The following SHC2 variants were observed in gnomAD, a reference collection of about 807,000 sequenced individuals.
SHC2 encodes the protein SHC adaptor protein 2.
Under a neutral mutation model 60.6 loss-of-function variants are expected in SHC2, and 62 were observed. The observed-to-expected ratio is 1.02, with a 90% CI of 0.83 to 1.26. SHC2 has a LOEUF of 1.26. SHC2 is among the 50% of genes most tolerant of loss of function. The pLI is 0.00. For missense variants in SHC2, 873 were observed against 822.2 expected, an observed-to-expected ratio of 1.06 and a Z score of -0.76; for synonymous variants, 375 against 372.4, an observed-to-expected ratio of 1.01 and a Z score of -0.08.
At position 445,337 on chromosome 19, in the gene SHC2, G is replaced by A. The variant is rs1458499018; in HGVS notation, c.469-4405C>T. Among the ~76,000 whole-genome samples the A allele has an allele frequency of 2.6e-5, 4 of 152,178 alleles. No homozygotes were observed. The highest frequency in any genetic ancestry group is 7.2e-5 in the African/African-American group (3 of 41,454). ...CAGACAGAGCCCAGCCCTCCACCAC[G>A]TGAGGACACAGGAGAACACGGCCCT... On this transcript the variant is annotated intron_variant, in intron 1 of 12. Transcript: ENST00000264554. The surrounding 1 kb of genome is among the most constrained non-coding windows in gnomAD (Gnocchi z 4.4).
At chr19:443,105 G>T (rs1416383702) in intron 1 of SHC2, among the ~76,000 whole-genome samples, 1 of 149,298 alleles carries the variant, frequency 6.7e-6, no homozygotes, top group East Asian at 2.0e-4. Flanking sequence ...TGGATGGACA[G>T]ATGGGTGGTT....
In SHC2 at chr19:438,738, A is replaced by G; in HGVS notation, c.700T>C (p.Ser234Pro). 2 of 1,565,488 alleles carry G rather than the reference A, an allele frequency of 1.3e-6. No homozygotes were observed. The highest frequency in any genetic ancestry group is 1.7e-6 in the Non-Finnish European group (2 of 1,156,310). ...IHISTDGLSL[S>P]VPATRQVIAN... ...CCCACCTGGCGCGTGGCAGGCACGG[A>G]GAGGCTGAGGCCATCAGTGGAGATG... Residue 234 changes from serine (S) to proline (P), a missense_variant, in exon 4 of 13, where the codon TCC becomes CCC. Coordinates refer to ENST00000264554, the MANE Select transcript of SHC2 (RefSeq NM_012435.3). The surrounding 1 kb of genome is among the most constrained non-coding windows in gnomAD (Gnocchi z 5.0).
intron 1 of SHC2, among the ~76,000 whole-genome samples, chr19:451,445 C>G (rs1033734643): frequency 6.6e-6 from 1 of 152,252 alleles, no homozygotes; most frequent in African/African-American, 2.4e-5. Context: ...CAACAGACAC[C>G]TGGACTGTTT....
At chr19:458,613 G>T (rs1975444927) in intron 1 of SHC2, among the ~76,000 whole-genome samples, 1 of 138,068 alleles carries the variant, frequency 7.2e-6, no homozygotes, top group Non-Finnish European at 1.6e-5. Flanking sequence ...GGGTTCCAGG[G>T]AGGCGGACGC....
Position 422,684 on chromosome 19 carries a change from T to C in SHC2, c.1310-228A>G. On this transcript the variant is annotated intron_variant, in intron 10 of 12. Coordinates refer to ENST00000264554, the MANE Select transcript of SHC2 (RefSeq NM_012435.3). This position sits in a 1 kb window ranked among gnomAD's most constrained non-coding sequence, Gnocchi z 5.0. ...CCCCAGGTTGGGTTTTCTAGGCACG[T>C]ACTAAGCATGTACAAAGGGTAACAG... 1 of 506,516 alleles carries C rather than the reference T, an allele frequency of 2.0e-6. No homozygotes were observed. The highest frequency in any genetic ancestry group is 3.5e-6 in the Non-Finnish European group (1 of 287,872). 31.4% of individuals were successfully genotyped at this position (506,516 alleles called of 1,614,324 possible).
chr19:416,664 C>T lies in SHC2; in HGVS notation c.*664G>A, dbSNP rs8902. On this transcript the variant is annotated 3_prime_UTR_variant, in exon 13 of 13. Transcript: ENST00000264554. ...TGGGTCGACAGCTGGGAGGGCAGGACTGGGGGGAAGCTGCTGGGCGCAGCC... is the reference window on the plus strand; with the variant it reads ...TGGGTCGACAGCTGGGAGGGCAGGATTGGGGGGAAGCTGCTGGGCGCAGCC... 0.84 allele frequency: 127,697 copies of T among 152,112 alleles called. 53,724 individuals carry two copies. The highest frequency in any genetic ancestry group is 1 in the East Asian group (5,138 of 5,152). 9.4% of individuals were successfully genotyped at this position (152,112 alleles called of 1,614,324 possible).
rs1195936975 is a variant in SHC2 at position 460,591 on chromosome 19, C to A, written c.406G>T (p.Ala136Ser). The A allele has an allele frequency of 1.4e-6, 2 of 1,406,526 alleles. No homozygotes were observed. Among genetic ancestry groups the A allele is most frequent in the Admixed American group, 2.6e-5 (1 of 38,266 alleles). 87.1% of individuals were successfully genotyped at this position (1,406,526 alleles called of 1,614,324 possible). A position where few individuals can be genotyped will look rare whatever the true frequency, so the allele number is the denominator to read the frequency against. Residue 136 changes from alanine (A) to serine (S), a missense_variant, in exon 1 of 13, where the codon GCG becomes TCG. Transcript: ENST00000264554. ...GCGTCGGGGTGTAGCCAGCCGTGCG[C>A]GGGTTTGTGGATGAAGCTGCCCTTC... ...IRKGSFIHKPAHGWLHPDARV... is the reference protein window; with the variant it reads ...IRKGSFIHKPSHGWLHPDARV...
Position 418,861 on chromosome 19 carries a change from C to T in SHC2, c.*5+62G>A, listed in dbSNP as rs564180885. ...GGCACGTGAACCGGGTCTCAATTTT[C>T]AAATCAGAAAAGAATCTGGCAAAGG... On this transcript the variant is annotated intron_variant, in intron 12 of 12. Transcript: ENST00000264554. The T allele has an allele frequency of 9.7e-5, 148 of 1,529,314 alleles. 1 individual carries two copies. The South Asian group carries it at 1.8e-3, about 18-fold the overall frequency. The allele number at this position is 1,529,314 out of a possible 1,614,324, so 94.7% of individuals were successfully genotyped here.
chr19:436,568 G>A (rs1454720017), intron 5 of SHC2, 62 bp downstream of exon 5: 3 of 1,587,732 alleles, frequency 1.9e-6, no homozygotes, highest in Non-Finnish European at 2.6e-6. Context: ...GGAAGGATGA[G>A]AGGGTCTCGC....
Position 460,733 on chromosome 19 carries a change from G to C in SHC2, c.264C>G (p.Ala88=). The change falls in exon 1 of 13, where the codon GCC becomes GCG. Residue 88 remains alanine, a synonymous_variant. Transcript: ENST00000264554. ...TGAGCGCGGGCAGGGGACAGGGCGC[G>C]GCGCAGCGGGGCTCGCAGGCGCCCA... ...AVLGACEPRC[A]APCPLPALSR... The C allele has an allele frequency of 1.0e-6, 1 of 981,734 alleles. No homozygotes were observed. The allele number at this position is 981,734 out of a possible 1,614,324, so 60.8% of individuals were successfully genotyped here. A position where few individuals can be genotyped will look rare whatever the true frequency, so the allele number is the denominator to read the frequency against.
chr19:427,031 G>GC (rs1422209392), intron 9 of SHC2, among the ~76,000 whole-genome samples: 2 of 152,196 alleles, frequency 1.3e-5, no homozygotes, highest in Non-Finnish European at 2.9e-5. Context: ...ACGCTGGCGA[G>GC]CCCCCGGTCC....
At chr19:452,279 A>C (rs12974116) in intron 1 of SHC2, among the ~76,000 whole-genome samples, 2 of 78,648 alleles carry the variant, frequency 2.5e-5, no homozygotes, top group African/African-American at 5.8e-5. Flanking sequence ...CGTTTCATTG[A>C]GGTTGGGGCA....
At chr19:444,203 G>C in intron 1 of SHC2, among the ~76,000 whole-genome samples, 1 of 152,126 alleles carries the variant, frequency 6.6e-6, no homozygotes, top group East Asian at 1.9e-4. Context: ...TGGATGAACA[G>C]ATGAATGGAC....
Position 440,509 on chromosome 19 carries a change from C to T in SHC2, c.539+353G>A, listed in dbSNP as rs975529151. On this transcript the variant is annotated intron_variant, in intron 2 of 12. Transcript: ENST00000264554. The surrounding 1 kb of genome is among the most constrained non-coding windows in gnomAD (Gnocchi z 7.0). ...CAGACACCGCATAGCATCCTGAGGT[C>T]ACCGTGTGGAAAACAGAGCAGGGAC... Among the ~76,000 whole-genome samples, 11 of 152,316 alleles carry T rather than the reference C, an allele frequency of 7.2e-5. No individual in the cohort carries two copies. The highest frequency in any genetic ancestry group is 5.2e-4 in the Admixed American group (8 of 15,312).
At chr19:454,944 G>A (rs779600446) in intron 1 of SHC2, among the ~76,000 whole-genome samples, 7 of 152,230 alleles carry the variant, frequency 4.6e-5, no homozygotes, top group Admixed American at 6.5e-5. Flanking sequence ...TGGCCGCATC[G>A]CTCGTCTCTG....
intron 9 of SHC2, among the ~76,000 whole-genome samples, chr19:429,813 C>G (rs1484583717): frequency 6.8e-6 from 1 of 147,970 alleles, no homozygotes; most frequent in African/African-American, 2.5e-5. Flanking sequence ...AAACCTCATA[C>G]CGTGTGGATG....
chr19:444,268 C>T (rs1367138161), intron 1 of SHC2, among the ~76,000 whole-genome samples: 1 of 152,074 alleles, frequency 6.6e-6, no homozygotes, highest in African/African-American at 2.4e-5. Flanking sequence ...GGTCCCTGTC[C>T]CTAGCACTGG....
chr19:460,928 G>A lies in SHC2; in HGVS notation c.69C>T (p.Thr23=), dbSNP rs1182488968. 1 of 989,690 alleles carries A rather than the reference G, an allele frequency of 1.0e-6. No homozygotes were observed. Among genetic ancestry groups the A allele is most frequent in the Non-Finnish European group, 1.2e-6 (1 of 834,136 alleles). The allele number at this position is 989,690 out of a possible 1,614,324, so 61.3% of individuals were successfully genotyped here. The change falls in exon 1 of 13, where the codon ACC becomes ACT. Residue 23 remains threonine, a synonymous_variant. Coordinates refer to ENST00000264554, the MANE Select transcript of SHC2 (RefSeq NM_012435.3). ...TTCGGGGCAGCAACGCGCAGAAGGT[G>A]GTGGGCGCCTCGGGCTCGGGGGGCG... The part of the protein sequence containing the change: ...PPAPPEPEAP[T]TFCALLPRMP...
chr19:460,368 AGCCGCCG>A (rs1029989667), intron 1 of SHC2, among the ~76,000 whole-genome samples, 154 bp downstream of exon 1: 16 of 151,760 alleles, frequency 1.1e-4, no homozygotes, highest in Admixed American at 3.3e-4. Flanking sequence ...GGGTGGGGGC[AGCCGCCG>A]GCCGCCGGCC....
Sources: allele counts gnomAD v4.1 joint callset (sites outside exome capture counted in the v4.1 genomes callset), GRCh38; gene constraint gnomAD v4.1.1; non-coding constraint Gnocchi (gnomAD v3.1); transcripts MANE v1.5; gene names NCBI Gene and HGNC (gene_info 2026-07-23, HGNC 2026-07-21).